The following BMX variants were observed in gnomAD, a reference collection of about 807,000 sequenced individuals.
BMX encodes the protein BMX non-receptor tyrosine kinase, also known as cytoplasmic tyrosine-protein kinase BMX.
A neutral mutation model predicts 59.2 loss-of-function variants in BMX; 31 were observed. The ratio of observed to expected loss-of-function variants is 0.52; its 90% confidence interval spans 0.39 to 0.71. The LOEUF is 0.71. Among genes scored for constraint, BMX ranks in the 30% least tolerant of loss-of-function variants. BMX has a pLI of 0.00. For synonymous variants in BMX, 185 were observed against 181.0 expected (o/e 1.02, Z -0.18); for missense variants, 474 against 491.7 (o/e 0.96, Z 0.34).
chrX:15,516,194 C>T lies in BMX; in HGVS notation c.408C>T (p.Ser136=). 1 of 1,210,961 alleles carries T rather than the reference C, an allele frequency of 8.3e-7. No homozygotes were observed. The highest frequency in any genetic ancestry group is 1.1e-6 in the Non-Finnish European group (1 of 895,001). ...VDGKFLCCQQ[S]CKAAPGCTLW... ...GGAAGTTCCTGTGTTGCCAGCAGAG[C>T]TGTAAAGCAGCCCCAGGATGTACCC... Residue 136 remains serine (S), a synonymous_variant, in exon 5 of 19, where the codon AGC becomes AGT. Transcript: ENST00000348343.
chrX:15,532,513 A>AACCCCCAG (rs1388125660), intron 11 of BMX, among the ~76,000 whole-genome samples: 1 of 111,564 alleles, frequency 9.0e-6, no homozygotes, highest in Non-Finnish European at 1.9e-5. Flanking sequence ...GTTTACACTG[A>AACCCCCAG]ACCCCCAGTG....
chrX:15,519,741 C>A (rs921833291), intron 6 of BMX, among the ~76,000 whole-genome samples: 4 of 111,811 alleles, frequency 3.6e-5, no homozygotes, highest in African/African-American at 1.3e-4. Context: ...TAGGCTGCTT[C>A]CACTCATGGC....
intron 15 of BMX, among the ~76,000 whole-genome samples, chrX:15,542,818 G>GGTTCT (rs1925758762): frequency 1.8e-5 from 2 of 112,115 alleles, no homozygotes; most frequent in South Asian, 7.4e-4. Flanking sequence ...GATAAGCTAA[G>GGTTCT]GTTCTGTGTT....
At chrX:15,512,366 T>A (rs1923995959) in intron 4 of BMX, among the ~76,000 whole-genome samples, 3 of 112,136 alleles carry the variant, frequency 2.7e-5, no homozygotes, top group Admixed American at 1.9e-4. Flanking sequence ...TATTTTATTT[T>A]ATTTTATTTT....
intron 9 of BMX, among the ~76,000 whole-genome samples, chrX:15,527,279 T>TACACAC (rs1419574021): frequency 3.8e-5 from 2 of 53,020 alleles, no homozygotes; most frequent in African/African-American, 1.6e-4. Context: ...TATATATATA[T>TACACAC]ATATACACAC....
At chrX:15,521,551 C>G (rs962105139) in intron 6 of BMX, among the ~76,000 whole-genome samples, 5 of 111,672 alleles carry the variant, frequency 4.5e-5, no homozygotes, top group Non-Finnish European at 9.4e-5. Flanking sequence ...GCTGTGTTTC[C>G]TCTGGAAGCT....
chrX:15,518,987 A>G lies in BMX; in HGVS notation c.510+994A>G, dbSNP rs372491845. Reference sequence around the variant, plus strand: ...CCCAAGAGTGGAGTTGGCCTATAAGAAAACAAACAAAACCTTGATTGCTCT... The same window carrying G: ...CCCAAGAGTGGAGTTGGCCTATAAGGAAACAAACAAAACCTTGATTGCTCT... On this transcript the variant is annotated intron_variant, in intron 6 of 18. Coordinates refer to ENST00000348343, the MANE Select transcript of BMX (RefSeq NM_203281.3). Among the ~76,000 whole-genome samples, 27 of 111,964 alleles carry G rather than the reference A, an allele frequency of 2.4e-4. No homozygotes were observed. The East Asian group carries it at 7.3e-3, about 30-fold the overall frequency.
chrX:15,508,562 T>C, intron 2 of BMX, 71 bp downstream of exon 2: 1 of 874,870 alleles, frequency 1.1e-6, no homozygotes, highest in Non-Finnish European at 1.6e-6. Context: ...AAGTACTTGA[T>C]CATAATGAAA....
At chrX:15,515,709 T>C (rs7878117) in intron 4 of BMX, among the ~76,000 whole-genome samples, 10,383 of 111,096 alleles carry the variant, frequency 0.093, 1,168 homozygotes, top group African/African-American at 0.32. Flanking sequence ...GTATGTTTAT[T>C]CAGGCCTTTT....
rs368442241 is a variant in BMX, at chrX:15,534,248, T to C, written c.1056T>C (p.His352=). 1.6e-5 allele frequency: 19 copies of C among 1,182,311 alleles called. No homozygotes were observed. In the African/African-American group the frequency reaches 3.4e-4, roughly 21 times the overall value. The change falls in exon 12 of 19, where the codon CAT becomes CAC. Residue 352 remains histidine (H), a synonymous_variant. Transcript: ENST00000348343. ...KKGTVKHYHV[H]TNAENKLYLA... The stretch of plus-strand genomic sequence containing the variant: ...GAACTGTCAAACATTACCACGTGCA[T>C]ACAAATGCTGAGAACAAATTATACC...
intron 9 of BMX, among the ~76,000 whole-genome samples, chrX:15,527,269 TATATATATATATATACACAC>T (rs1569224724): frequency 1.8e-4 from 6 of 33,509 alleles, no homozygotes; most frequent in African/African-American, 7.1e-4. Context: ...TATATATATA[TATATATATATATATACACAC>T]ACACACACAC....
intron 14 of BMX, among the ~76,000 whole-genome samples, chrX:15,540,490 G>A (rs1443423983): frequency 9.1e-6 from 1 of 109,494 alleles, no homozygotes; most frequent in South Asian, 4.0e-4. Context: ...GATGACGGGT[G>A]CAGCAAACCA....
At position 15,511,429 on chromosome X, in the gene BMX, C is replaced by T; in HGVS notation, c.244-8C>T. ...ATATATAAACACACCAAATATTTTC[C>T]TTTCCAGATTGTCTATAAAGATGGG... is the stretch of plus-strand genomic sequence containing the variant. On this transcript the variant is annotated splice_region_variant and splice_polypyrimidine_tract_variant and intron_variant, in intron 3 of 18. Coordinates refer to ENST00000348343, the MANE Select transcript of BMX (RefSeq NM_203281.3). 8.4e-7 allele frequency: 1 copy of T among 1,186,933 alleles called. No homozygotes were observed. Among genetic ancestry groups the T allele is most frequent in the Non-Finnish European group, 1.1e-6 (1 of 880,475 alleles).
chrX:15,547,068 A>G, intron 17 of BMX, 147 bp downstream of exon 17: 1 of 448,501 alleles, frequency 2.2e-6, no homozygotes, highest in Non-Finnish European at 3.8e-6. Context: ...AAGCTGTTGA[A>G]GAAGGTGATT....
At chrX:15,516,346 C>T in intron 5 of BMX, 115 bp downstream of exon 5, 1 of 1,001,244 alleles carries the variant, frequency 1.0e-6, no homozygotes, top group Admixed American at 2.5e-5. Context: ...GATTGGTTGG[C>T]ATCATGAAAA....
intron 9 of BMX, among the ~76,000 whole-genome samples, chrX:15,527,190 T>C (rs1924782859): frequency 3.0e-5 from 1 of 33,866 alleles, no homozygotes; most frequent in Admixed American, 6.3e-4. Flanking sequence ...CAAGACTCTG[T>C]CTCAAAAAAA....
At position 15,546,766 on chromosome X, in the gene BMX, C is replaced by T. The variant is rs370858951; in HGVS notation, c.1677-37C>T. ...TGTCCTTCATCAGCCTGTACCACCACGGCTTAAGGTCTGTGTTGATGTGTT... is the reference window on the plus strand; with the variant it reads ...TGTCCTTCATCAGCCTGTACCACCATGGCTTAAGGTCTGTGTTGATGTGTT... On this transcript the variant is annotated intron_variant, in intron 16 of 18. Transcript: ENST00000348343. 6.3e-5 allele frequency: 71 copies of T among 1,119,812 alleles called. No homozygotes were observed. In the East Asian group the frequency reaches 1.4e-3, roughly 22 times the overall value. 92.3% of individuals were successfully genotyped at this position (1,119,812 alleles called of 1,213,427 possible).
intron 18 of BMX, among the ~76,000 whole-genome samples, chrX:15,553,797 C>A (rs1392172979): frequency 9.0e-6 from 1 of 111,183 alleles, no homozygotes; most frequent in Non-Finnish European, 1.9e-5. Flanking sequence ...AAGCCCAGAA[C>A]CTCCCTGGCC....
At chrX:15,541,903 A>G (rs1437434849) in intron 14 of BMX, 79 bp from the exon 15 acceptor site, 9 of 937,786 alleles carry the variant, frequency 9.6e-6, no homozygotes, top group Non-Finnish European at 1.4e-5. Context: ...AACAAACAGA[A>G]ATCTGAGAGC....
Sources: allele counts gnomAD v4.1 joint callset (sites outside exome capture counted in the v4.1 genomes callset), GRCh38; gene constraint gnomAD v4.1.1; transcripts MANE v1.5; gene names NCBI Gene and HGNC (gene_info 2026-07-23, HGNC 2026-07-21).